The following ZBTB20 variants were observed in gnomAD, a reference collection of about 807,000 sequenced individuals.
ZBTB20 encodes zinc finger and BTB domain containing 20, also known as zinc finger and BTB domain-containing protein 20.
A neutral mutation model predicts 56.9 loss-of-function variants in ZBTB20; 9 were observed. The observed-to-expected ratio is 0.16, with a 90% CI of 0.10 to 0.28. The LOEUF (loss-of-function observed/expected upper bound fraction) is 0.28. Among genes scored for constraint, ZBTB20 ranks in the 10% least tolerant of loss-of-function variants. ZBTB20 has a pLI of 1.00. For missense variants in ZBTB20, 655 were observed against 1,003.0 expected, an observed-to-expected ratio of 0.65 and a Z score of 4.69; for synonymous variants, 417 against 420.7, an observed-to-expected ratio of 0.99 and a Z score of 0.11.
At position 114,841,888 on chromosome 3, in the gene ZBTB20, T is replaced by C. The variant is rs560712400; in HGVS notation, c.-416-40714A>G. 4.6e-5 allele frequency among the ~76,000 whole-genome samples: 7 copies of C among 152,226 alleles called. No individual in the cohort carries two copies. In the East Asian group the frequency reaches 1.4e-3, roughly 29 times the overall value. ...GATTGCCTGGGAGGACTGCCCAATG[T>C]GAGGAGAGAGCCTAAGAGAGAGTTC... is the stretch of plus-strand genomic sequence containing the variant. On this transcript the variant is annotated intron_variant, in intron 4 of 11. Transcript: ENST00000675478.
chr3:114,371,473 A>T (rs2083001423), intron 10 of ZBTB20, among the ~76,000 whole-genome samples: 1 of 152,108 alleles, frequency 6.6e-6, no homozygotes, highest in South Asian at 2.1e-4. Context: ...ATCTTTAACC[A>T]CGCTGCATGG....
intron 1 of ZBTB20, among the ~76,000 whole-genome samples, chr3:115,099,663 T>C (rs1290737849): frequency 1.3e-5 from 2 of 152,160 alleles, no homozygotes; most frequent in African/African-American, 4.8e-5. Flanking sequence ...ACTGTAAATA[T>C]GGACTTTAAA....
At chr3:114,628,996 A>C (rs1317053373) in intron 6 of ZBTB20, among the ~76,000 whole-genome samples, 2 of 152,140 alleles carry the variant, frequency 1.3e-5, no homozygotes, top group Admixed American at 1.3e-4. Flanking sequence ...GATACTTCAG[A>C]GTTTCTTTTT....
chr3:115,142,014 T>C (rs913927838), intron 1 of ZBTB20, among the ~76,000 whole-genome samples: 2 of 152,220 alleles, frequency 1.3e-5, no homozygotes, highest in African/African-American at 4.8e-5. Context: ...ACAGGTTGGC[T>C]GGTAATCATG....
rs543115664 is a variant in ZBTB20 at position 114,748,679 on chromosome 3, T to C, written c.-343+52422A>G. Among the ~76,000 whole-genome samples the C allele has an allele frequency of 4.6e-5, 7 of 152,270 alleles. No individual in the cohort carries two copies. In the South Asian group the frequency reaches 1.2e-3, roughly 27 times the overall value. ...GGGCACTTCTGTAGAAAATGAAGAT[T>C]ACTGGTTTGAAGGCCAGTCTTCTCA... On this transcript the variant is annotated intron_variant, in intron 5 of 11. Coordinates refer to ENST00000675478, the MANE Select transcript of ZBTB20 (RefSeq NM_001348800.3).
intron 4 of ZBTB20, among the ~76,000 whole-genome samples, chr3:114,829,096 C>T (rs192748272): frequency 3.3e-4 from 50 of 151,880 alleles, no homozygotes; most frequent in Admixed American, 2.9e-3. Context: ...GGCTCTTAAA[C>T]TGTATGGTGC....
intron 6 of ZBTB20, among the ~76,000 whole-genome samples, chr3:114,659,513 C>A (rs75950394): frequency 0.023 from 3,555 of 152,232 alleles, 119 homozygotes; most frequent in African/African-American, 0.075. Flanking sequence ...ACTAAGTAAT[C>A]TATGAGAAAA....
At chr3:115,113,070 C>T (rs745825954) in intron 1 of ZBTB20, among the ~76,000 whole-genome samples, 14 of 151,988 alleles carry the variant, frequency 9.2e-5, no homozygotes, top group Non-Finnish European at 1.9e-4. Context: ...TTTTCCTATA[C>T]CTATTGGCCA....
chr3:114,690,448 G>C (rs770402002), intron 6 of ZBTB20, among the ~76,000 whole-genome samples: 16 of 152,122 alleles, frequency 1.1e-4, no homozygotes, highest in Non-Finnish European at 2.2e-4. Flanking sequence ...ACAATTCAAA[G>C]ACAGTGAGAC....
intron 6 of ZBTB20, among the ~76,000 whole-genome samples, chr3:114,636,087 A>T (rs2107870133): frequency 6.6e-6 from 1 of 152,302 alleles, no homozygotes; most frequent in East Asian, 1.9e-4. Context: ...CAAATTTCTC[A>T]GCAGAATCCT....
chr3:114,747,205 T>C (rs1038076953), intron 5 of ZBTB20, among the ~76,000 whole-genome samples: 3 of 152,214 alleles, frequency 2.0e-5, no homozygotes, highest in African/African-American at 7.2e-5. Context: ...GGACTCACTA[T>C]CTTAAAGAGA....
rs759622769 is a variant in ZBTB20, at chr3:114,325,104, C to T, written c.*13901G>A. On this transcript the variant is annotated 3_prime_UTR_variant, in exon 12 of 12. Coordinates refer to ENST00000675478, the MANE Select transcript of ZBTB20 (RefSeq NM_001348800.3). Reference sequence around the variant, plus strand: ...ACCCTGCTTTCATCTACTCTGAAAACCATAATTCTTTCAACAATAGTGTAG... The same window carrying T: ...ACCCTGCTTTCATCTACTCTGAAAATCATAATTCTTTCAACAATAGTGTAG... 3 of 152,114 alleles carry T rather than the reference C, an allele frequency of 2.0e-5. No individual in the cohort carries two copies. The highest frequency in any genetic ancestry group is 2.9e-5 in the Non-Finnish European group (2 of 68,018). 9.4% of individuals were successfully genotyped at this position (152,114 alleles called of 1,614,324 possible). A position where few individuals can be genotyped will look rare whatever the true frequency, so the allele number is the denominator to read the frequency against.
intron 3 of ZBTB20, among the ~76,000 whole-genome samples, chr3:114,913,675 T>C (rs761747757): frequency 6.6e-6 from 1 of 151,568 alleles, no homozygotes; most frequent in Non-Finnish European, 1.5e-5. Context: ...CCTGGAAAGT[T>C]TCCTCAGTGT....
At chr3:114,719,657 G>A (rs1277989537) in intron 5 of ZBTB20, among the ~76,000 whole-genome samples, 1 of 152,140 alleles carries the variant, frequency 6.6e-6, no homozygotes, top group East Asian at 1.9e-4. Context: ...GGAACCAGCA[G>A]TAGACTAAGT....
chr3:114,738,240 C>T (rs970711411), intron 5 of ZBTB20, among the ~76,000 whole-genome samples: 1 of 150,958 alleles, frequency 6.6e-6, no homozygotes, highest in African/African-American at 2.4e-5. Context: ...TTGAATTGTA[C>T]AATAAGCACT....
chr3:115,091,708 TA>T (rs907422851), intron 1 of ZBTB20, among the ~76,000 whole-genome samples: 1 of 149,044 alleles, frequency 6.7e-6, no homozygotes, highest in African/African-American at 2.5e-5. Flanking sequence ...CACATATATA[TA>T]ATACATACAT....
At chr3:115,059,484 C>T (rs1362353423) in intron 2 of ZBTB20, among the ~76,000 whole-genome samples, 2 of 152,304 alleles carry the variant, frequency 1.3e-5, no homozygotes, top group East Asian at 3.9e-4. Flanking sequence ...TCAAACACTT[C>T]CAATCCGCGA....
intron 6 of ZBTB20, among the ~76,000 whole-genome samples, chr3:114,537,641 T>C (rs933080151): frequency 2.0e-5 from 3 of 152,136 alleles, no homozygotes; most frequent in African/African-American, 4.8e-5. Flanking sequence ...ACTGAGTACA[T>C]ACCCAAAGTA....
intron 4 of ZBTB20, among the ~76,000 whole-genome samples, chr3:114,836,050 A>G (rs1579083294): frequency 6.6e-6 from 1 of 152,184 alleles, no homozygotes; most frequent in African/African-American, 2.4e-5. Context: ...AGCTGCTAAA[A>G]CTTAAATTTT....
Sources: allele counts gnomAD v4.1 joint callset (sites outside exome capture counted in the v4.1 genomes callset), GRCh38; gene constraint gnomAD v4.1.1; transcripts MANE v1.5; gene names NCBI Gene and HGNC (gene_info 2026-07-23, HGNC 2026-07-21).